BTBD18: variants seen among roughly 807,000 people sequenced by gnomAD.
BTBD18 encodes the protein BTB/POZ domain-containing protein 18.
For missense variants in BTBD18, 787 were observed against 846.3 expected (o/e 0.93, Z 0.87); for synonymous variants, 311 against 324.4 (o/e 0.96, Z 0.44).
At chr11:57,747,546 A>T (rs1270075475) in intron 2 of BTBD18, among the ~76,000 whole-genome samples, 1 of 151,826 alleles carries the variant, frequency 6.6e-6, no homozygotes, top group African/African-American at 2.4e-5. Context: ...GCGGAGTCTC[A>T]CTCTGTGGCC....
chr11:57,750,196 T>G (rs1949278080), intron 2 of BTBD18, among the ~76,000 whole-genome samples: 1 of 151,246 alleles, frequency 6.6e-6, no homozygotes, highest in South Asian at 2.1e-4. Flanking sequence ...GCCAACATAG[T>G]GAAACCCCAT....
upstream of BTBD18, among the ~76,000 whole-genome samples, chr11:57,753,020 C>T (rs1466903082): frequency 6.6e-6 from 1 of 152,248 alleles, no homozygotes; most frequent in African/African-American, 2.4e-5. Context: ...GCAGGCAGCC[C>T]CTGGCGCCCT....
At chr11:57,746,331 A>T (rs1215680425) in intron 2 of BTBD18, among the ~76,000 whole-genome samples, 183 bp from the exon 3 acceptor site, 2 of 115,368 alleles carry the variant, frequency 1.7e-5, no homozygotes, top group African/African-American at 3.0e-5. Flanking sequence ...TTGCCTAGCT[A>T]TTTTTTTTTT....
At chr11:57,750,834 G>A (rs1949291630) in intron 2 of BTBD18, among the ~76,000 whole-genome samples, 1 of 152,200 alleles carries the variant, frequency 6.6e-6, no homozygotes, top group African/African-American at 2.4e-5. Context: ...GAATGTATCT[G>A]CTTATAAAAC....
In BTBD18 at chr11:57,744,602, C is replaced by G; in HGVS notation, c.1671G>C (p.Leu557Phe). 1 of 1,551,690 alleles carries G rather than the reference C, an allele frequency of 6.4e-7. No individual in the cohort carries two copies. Among genetic ancestry groups the G allele is most frequent in the Non-Finnish European group, 8.7e-7 (1 of 1,147,002 alleles). Residue 557 changes from leucine to phenylalanine, a missense_variant, in exon 3 of 3, where the codon TTG becomes TTC. By Grantham distance (22) the Leu-to-Phe change is conservative. Transcript: ENST00000422652. ...TGTTCTCACCAGCAGGTTCCTTTTCCAATTCTGTGAGCTCCCTGGGCCAGA... is the reference window on the plus strand; with the variant it reads ...TGTTCTCACCAGCAGGTTCCTTTTCGAATTCTGTGAGCTCCCTGGGCCAGA... Reference protein sequence around the residue: ...MELWPRELTELEKEPAGENRG... With the variant: ...MELWPRELTEFEKEPAGENRG...
chr11:57,750,078 GATTAA>G (rs977113645), intron 2 of BTBD18, among the ~76,000 whole-genome samples: 22 of 152,212 alleles, frequency 1.4e-4, no homozygotes, highest in African/African-American at 4.8e-4. Context: ...TCAATTTGAA[GATTAA>G]ATAAATTAAG....
Position 57,745,635 on chromosome 11 carries a change from G to A in BTBD18, c.638C>T (p.Ala213Val), listed in dbSNP as rs371192265. Residue 213 changes from alanine (A) to valine (V), a missense_variant, in exon 3 of 3, where the codon GCC becomes GTC. Coordinates refer to ENST00000422652, the MANE Select transcript of BTBD18 (RefSeq NM_001145101.3). ...GTLLLKRKAR[A>V]CPTPQEKNSS... The stretch of plus-strand genomic sequence containing the variant: ...GTTTTTTTCTTGTGGAGTTGGGCAG[G>A]CTCTGGCCTTCCTCTTGAGCAGAAG... The A allele has an allele frequency of 1.3e-6, 2 of 1,551,528 alleles. No homozygotes were observed. Among genetic ancestry groups the A allele is most frequent in the African/African-American group, 2.7e-5 (2 of 73,028 alleles).
Position 57,744,695 on chromosome 11 carries a change from G to C in BTBD18, c.1578C>G (p.Thr526=), listed in dbSNP as rs962349130. The stretch of plus-strand genomic sequence containing the variant: ...TCTTTCCTGTTTCTGTCAGATGGTA[G>C]GTAGGCGTTCTGCAGCCCTCAGCCC... The part of the protein sequence containing the change: ...SPGAEGCRTP[T]YHLTETGKNW... Residue 526 remains threonine, a synonymous_variant, in exon 3 of 3, where the codon ACC becomes ACG. Coordinates refer to ENST00000422652, the MANE Select transcript of BTBD18 (RefSeq NM_001145101.3). 6.4e-7 allele frequency: 1 copy of C among 1,551,608 alleles called. No individual in the cohort carries two copies. The highest frequency in any genetic ancestry group is 8.7e-7 in the Non-Finnish European group (1 of 1,147,004).
rs1949156780 is a variant in BTBD18, at chr11:57,744,758, T to C, written c.1515A>G (p.Ser505=). The change falls in exon 3 of 3, where the codon TCA becomes TCG. Residue 505 remains serine, a synonymous_variant. Transcript: ENST00000422652. The part of the protein sequence containing the change: ...EEILDFMLCG[S]DIEPPIGSLE... ...GAGACCCTATAGGTGGTTCAATGTC[T>C]GAGCCACAGAGCATGAAGTCCAGGA... 6.4e-7 allele frequency: 1 copy of C among 1,551,768 alleles called. No homozygotes were observed. The highest frequency in any genetic ancestry group is 2.4e-5 in the East Asian group (1 of 40,920).
chr11:57,752,426 C>T (rs980795396), upstream of BTBD18, among the ~76,000 whole-genome samples: 1 of 151,784 alleles, frequency 6.6e-6, no homozygotes, highest in African/African-American at 2.4e-5. Context: ...CTCAGCTACT[C>T]AGGAGGCTGA....
In BTBD18 at chr11:57,745,396, G is replaced by A. The variant is rs1949170240; in HGVS notation, c.877C>T (p.Pro293Ser). The part of the protein sequence containing the change: ...LSGSSSVPAT[P>S]GRRLWRQRSV... ...CTCTGCCGCCAAAGACGCCGGCCAGGGGTTGCAGGCACTGAGCTAGATCCA... is the reference window on the plus strand; with the variant it reads ...CTCTGCCGCCAAAGACGCCGGCCAGAGGTTGCAGGCACTGAGCTAGATCCA... Residue 293 changes from proline to serine, a missense_variant, in exon 3 of 3, where the codon CCT becomes TCT. Physicochemically the swap from Pro to Ser is moderately conservative, Grantham distance 74. Transcript: ENST00000422652. The A allele has an allele frequency of 1.3e-6, 2 of 1,551,684 alleles. No individual in the cohort carries two copies. The highest frequency in any genetic ancestry group is 1.7e-6 in the Non-Finnish European group (2 of 1,147,000).
chr11:57,745,815 G>C lies in BTBD18; in HGVS notation c.458C>G (p.Ser153Cys), dbSNP rs557134371. 866 of 1,551,520 alleles carry C rather than the reference G, an allele frequency of 5.6e-4. 1 individual carries two copies. The highest frequency in any genetic ancestry group is 6.9e-4 in the Non-Finnish European group (789 of 1,146,982). Residue 153 changes from serine to cysteine, a missense_variant, in exon 3 of 3, where the codon TCT becomes TGT. Coordinates refer to ENST00000422652, the MANE Select transcript of BTBD18 (RefSeq NM_001145101.3). ...GTGGCTGGGTGTCACCACTCTGGCAGAGATTGGTGCAGCACTTGTTGGTTG... is the reference window on the plus strand; with the variant it reads ...GTGGCTGGGTGTCACCACTCTGGCACAGATTGGTGCAGCACTTGTTGGTTG... The part of the protein sequence containing the change: ...CLQPTSAAPI[S>C]ARVVTPSHHP...
chr11:57,745,286 C>A lies in BTBD18; in HGVS notation c.987G>T (p.Leu329=). 6.4e-7 allele frequency: 1 copy of A among 1,551,714 alleles called. No homozygotes were observed. The highest frequency in any genetic ancestry group is 1.2e-5 in the South Asian group (1 of 84,064). The change falls in exon 3 of 3, where the codon CTG becomes CTT. Residue 329 remains leucine (L), a synonymous_variant. Coordinates refer to ENST00000422652, the MANE Select transcript of BTBD18 (RefSeq NM_001145101.3). ...PLQSTPNPSG[L]GKTGGSRKRS... Reference sequence around the variant, plus strand: ...GCTTCCTGCTCCCACCTGTCTTTCCCAGACCAGATGGGTTTGGGGTGCTCT... The same window carrying A: ...GCTTCCTGCTCCCACCTGTCTTTCCAAGACCAGATGGGTTTGGGGTGCTCT...
chr11:57,751,020 T>G, intron 2 of BTBD18, 45 bp downstream of exon 2: 1 of 1,474,576 alleles, frequency 6.8e-7, no homozygotes, highest in South Asian at 1.4e-5. Flanking sequence ...TCATTTTATC[T>G]TATTCTATGG....
Position 57,745,038 on chromosome 11 carries a change from G to C in BTBD18, c.1235C>G (p.Thr412Ser). ...FSSNEQEMSPTRTELCQDSPM... is the reference protein window; with the variant it reads ...FSSNEQEMSPSRTELCQDSPM... ...GGAGTCCTGACACAGTTCTGTTCTA[G>C]TAGGTGACATTTCCTGCTCATTACT... is the stretch of plus-strand genomic sequence containing the variant. Residue 412 changes from threonine (T) to serine (S), a missense_variant, in exon 3 of 3, where the codon ACT becomes AGT. Physicochemically the swap from Thr to Ser is moderately conservative, Grantham distance 58. Transcript: ENST00000422652. 6.4e-7 allele frequency: 1 copy of C among 1,551,676 alleles called. No individual in the cohort carries two copies. Among genetic ancestry groups the C allele is most frequent in the Non-Finnish European group, 8.7e-7 (1 of 1,146,974 alleles).
intron 2 of BTBD18, among the ~76,000 whole-genome samples, chr11:57,750,101 G>A (rs1409460010): frequency 5.3e-5 from 8 of 152,186 alleles, no homozygotes; most frequent in Admixed American, 5.2e-4. Flanking sequence ...AAGCAGGCCG[G>A]GCAACGTGGC....
At chr11:57,747,680 G>A (rs1295950810) in intron 2 of BTBD18, among the ~76,000 whole-genome samples, 1 of 151,958 alleles carries the variant, frequency 6.6e-6, no homozygotes, top group Non-Finnish European at 1.5e-5. Flanking sequence ...TGTATTTTTA[G>A]TAGAGACAGG....
intron 2 of BTBD18, among the ~76,000 whole-genome samples, chr11:57,750,676 A>G (rs1419702497): frequency 6.6e-6 from 1 of 152,236 alleles, no homozygotes; most frequent in Non-Finnish European, 1.5e-5. Context: ...CTGCCTGGGC[A>G]AGAGAGTGAG....
In BTBD18 at chr11:57,746,009, C is replaced by T; in HGVS notation, c.264G>A (p.Lys88=). ...LGGLKISTLR[K]LVDFLYTSEM... ...CTGAGGTATACAAGAAGTCCACCAG[C>T]TTCCTAAGTGTGCTGATCTTCAGGC... Residue 88 remains lysine (K), a synonymous_variant, in exon 3 of 3, where the codon AAG becomes AAA. Transcript: ENST00000422652. The T allele has an allele frequency of 6.4e-7, 1 of 1,551,682 alleles. No individual in the cohort carries two copies. Among genetic ancestry groups the T allele is most frequent in the Non-Finnish European group, 8.7e-7 (1 of 1,146,992 alleles).
Sources: gnomAD v4.1 joint callset for allele counts (sites outside exome capture counted in the v4.1 genomes callset) on GRCh38, gnomAD v4.1.1 for gene constraint, MANE v1.5 for transcripts, NCBI Gene and HGNC (gene_info 2026-07-23, HGNC 2026-07-21) for gene names.